The following DPP6 variants were observed in gnomAD, a reference collection of about 807,000 sequenced individuals.
DPP6 encodes the protein dipeptidyl peptidase like 6, also known as A-type potassium channel modulatory protein DPP6.
DPP6 carries 69 observed loss-of-function variants against 122.6 expected under a neutral mutation model. The observed-to-expected ratio is 0.56, with a 90% CI of 0.46 to 0.69. The LOEUF is 0.69. DPP6 is among the 30% of genes least tolerant of loss of function. The pLI, the probability that DPP6 is intolerant of heterozygous loss-of-function variation, is 0.00. For missense variants in DPP6, 928 were observed against 1,116.9 expected, an observed-to-expected ratio of 0.83 and a Z score of 2.41; for synonymous variants, 418 against 433.1, an observed-to-expected ratio of 0.97 and a Z score of 0.43.
At position 154,410,382 on chromosome 7, in the gene DPP6, CT is replaced by C. The variant is rs1816495149; in HGVS notation, c.244-35830del. 3.3e-5 allele frequency among the ~76,000 whole-genome samples: 5 copies of C among 152,214 alleles called. No individual in the cohort carries two copies. In the South Asian group the frequency reaches 1.0e-3, roughly 31 times the overall value. ...CTGCTGATAAACAGATGCAAACTGGCTTAAACTCTGCTGGGATTAAAATATT... is the reference window on the plus strand; with the variant it reads ...CTGCTGATAAACAGATGCAAACTGGCTAAACTCTGCTGGGATTAAAATATT... On this transcript the variant is annotated intron_variant, in intron 1 of 25. Coordinates refer to ENST00000377770, the MANE Select transcript of DPP6 (RefSeq NM_130797.4).
At chr7:154,579,444 A>G (rs935350220) in intron 5 of DPP6, among the ~76,000 whole-genome samples, 1 of 152,260 alleles carries the variant, frequency 6.6e-6, no homozygotes, top group Non-Finnish European at 1.5e-5. Context: ...GAGATTCGGT[A>G]GGTATCTAGC....
chr7:154,286,735 C>T (rs771541905), intron 1 of DPP6, among the ~76,000 whole-genome samples: 1 of 151,852 alleles, frequency 6.6e-6, no homozygotes. Context: ...TCCCCTCACT[C>T]TTCCTGGCCT....
At chr7:154,488,628 T>C (rs1042791577) in intron 3 of DPP6, among the ~76,000 whole-genome samples, 2 of 151,824 alleles carry the variant, frequency 1.3e-5, no homozygotes, top group Non-Finnish European at 2.9e-5. Context: ...ATGTGCAGAA[T>C]GTGCCAGACA....
intron 5 of DPP6, among the ~76,000 whole-genome samples, chr7:154,582,477 C>T (rs1481740789): frequency 1.3e-5 from 2 of 152,138 alleles, no homozygotes; most frequent in Admixed American, 6.6e-5. Context: ...CTGAGATGGC[C>T]GAGCTGAGTG....
intron 3 of DPP6, among the ~76,000 whole-genome samples, chr7:154,482,667 G>A (rs981107293): frequency 7.9e-5 from 12 of 152,146 alleles, no homozygotes; most frequent in East Asian, 1.9e-4. Context: ...AGTATACATC[G>A]TCATTATCTT....
intron 1 of DPP6, chr7:154,094,571 A>G (rs1281590149): frequency 6.6e-6 from 1 of 152,244 alleles, no homozygotes; most frequent in Non-Finnish European, 1.5e-5. Flanking sequence ...GAGAGGGTAT[A>G]AAATTCTCAT....
chr7:154,235,048 A>G (rs1265246452), intron 1 of DPP6, among the ~76,000 whole-genome samples: 1 of 152,232 alleles, frequency 6.6e-6, no homozygotes, highest in East Asian at 1.9e-4. Flanking sequence ...TTTACCATAC[A>G]ATTTACCCAT....
At chr7:153,770,285 G>C in the DPP6 span, among the ~76,000 whole-genome samples, 1 of 152,108 alleles carries the variant, frequency 6.6e-6, no homozygotes, top group African/African-American at 2.4e-5. Context: ...TATATTCTAG[G>C]CTCAGAACCA....
chr7:154,414,175 T>A (rs1816834926), intron 1 of DPP6, among the ~76,000 whole-genome samples: 1 of 152,234 alleles, frequency 6.6e-6, no homozygotes, highest in Non-Finnish European at 1.5e-5. Context: ...TGGCTTCCAA[T>A]TTTTGTGTAC....
rs1401056663 is a variant in DPP6 at position 154,646,037 on chromosome 7, A to AAAAAAAAAG, written c.680+8169_680+8177dup. On this transcript the variant is annotated intron_variant, in intron 6 of 25. Coordinates refer to ENST00000377770, the MANE Select transcript of DPP6 (RefSeq NM_130797.4). ...AGTGAGACTCCGTCTCAAAAAAAAA[A>AAAAAAAAAG]AAAAAAAAGAAAATACTGAGGGCTC... Among the ~76,000 whole-genome samples, 33 of 150,296 alleles carry AAAAAAAAAG rather than the reference A, an allele frequency of 2.2e-4. 1 individual carries two copies. The highest frequency in any genetic ancestry group is 1.6e-3 in the East Asian group (8 of 5,130).
At position 154,070,986 on chromosome 7, in the gene DPP6, C is replaced by A. The variant is rs572673472; in HGVS notation, c.243+17923C>A. Among the ~76,000 whole-genome samples the A allele has an allele frequency of 1.3e-4, 20 of 152,244 alleles. No individual in the cohort carries two copies. In the South Asian group the frequency reaches 4.1e-3, roughly 32 times the overall value. ...CGCTTGAATATAAAACCAATCAAGA[C>A]AACATATAGTATGAAATAGTAGCTT... On this transcript the variant is annotated intron_variant, in intron 1 of 25. Coordinates refer to ENST00000377770, the MANE Select transcript of DPP6 (RefSeq NM_130797.4).
At chr7:154,761,541 G>T (rs1410815700) in intron 8 of DPP6, among the ~76,000 whole-genome samples, 1 of 152,178 alleles carries the variant, frequency 6.6e-6, no homozygotes, top group Non-Finnish European at 1.5e-5. Flanking sequence ...TTGGCTCCCA[G>T]TTCTGCAGAC....
intron 1 of DPP6, among the ~76,000 whole-genome samples, chr7:154,069,544 G>A (rs1023426451): frequency 6.6e-6 from 1 of 151,590 alleles, no homozygotes; most frequent in Non-Finnish European, 1.5e-5. Context: ...ACAGTATTTT[G>A]TTTTTTCAAA....
At chr7:154,856,579 A>G (rs1289890217) in intron 17 of DPP6, among the ~76,000 whole-genome samples, 1 of 152,236 alleles carries the variant, frequency 6.6e-6, no homozygotes, top group African/African-American at 2.4e-5. Flanking sequence ...ACATGCTAAT[A>G]TGCTCAAAGA....
intron 1 of DPP6, among the ~76,000 whole-genome samples, chr7:154,230,786 T>C (rs972517922): frequency 6.6e-6 from 1 of 152,204 alleles, no homozygotes. Flanking sequence ...TCAAAAACAT[T>C]GACTGAATGA....
At chr7:153,860,254 C>G in the DPP6 span, among the ~76,000 whole-genome samples, 1 of 152,184 alleles carries the variant, frequency 6.6e-6, no homozygotes, top group Admixed American at 6.5e-5. Flanking sequence ...CTAGGGGAAT[C>G]TCCACCATGT....
intron 5 of DPP6, among the ~76,000 whole-genome samples, chr7:154,572,864 T>C (rs1005949834): frequency 4.6e-5 from 7 of 151,802 alleles, no homozygotes; most frequent in African/African-American, 1.7e-4. Flanking sequence ...ATTTTTGGTA[T>C]AGACAGGGTT....
intron 1 of DPP6, among the ~76,000 whole-genome samples, chr7:154,212,458 C>G (rs1457279026): frequency 6.6e-6 from 1 of 152,270 alleles, no homozygotes; most frequent in East Asian, 1.9e-4. Context: ...GAATTCAAAC[C>G]TGACCAACTT....
chr7:153,810,900 G>T, the DPP6 span, among the ~76,000 whole-genome samples: 1 of 152,126 alleles, frequency 6.6e-6, no homozygotes, highest in Non-Finnish European at 1.5e-5. Context: ...ATATAAATGT[G>T]TCTATCATAT....
Sources: gnomAD v4.1 joint callset for allele counts (sites outside exome capture counted in the v4.1 genomes callset) on GRCh38, gnomAD v4.1.1 for gene constraint, MANE v1.5 for transcripts, NCBI Gene and HGNC (gene_info 2026-07-23, HGNC 2026-07-21) for gene names.